SPEG: variants seen among roughly 807,000 people sequenced by gnomAD.
SPEG encodes striated muscle enriched protein kinase.
SPEG carries 114 observed loss-of-function variants against 300.4 expected under a neutral mutation model. The ratio of observed to expected loss-of-function variants is 0.38; its 90% CI spans 0.33 to 0.44. The LOEUF (loss-of-function observed/expected upper bound fraction) is 0.44. Ranked by LOEUF, SPEG falls within the 20% of genes least tolerant of loss-of-function variation. The pLI, the probability that SPEG is intolerant of heterozygous loss-of-function variation, is 1.00. For missense variants in SPEG, 4,201 were observed against 4,586.2 expected (o/e 0.92, Z 2.43); for synonymous variants, 1,964 against 2,018.9 (o/e 0.97, Z 0.73).
chr2:219,449,224 G>A lies in SPEG; in HGVS notation c.2066G>A (p.Arg689His). The change falls in exon 4 of 41, where the codon CGC becomes CAC. Residue 689 changes from arginine (R) to histidine (H), a missense_variant. Around this residue, in one of 4 missense-constraint regions of SPEG, gnomAD observed 1,258 missense variants for 1,293.9 expected, o/e 0.97. Coordinates refer to ENST00000312358, the MANE Select transcript of SPEG (RefSeq NM_005876.5). Reference sequence around the variant, plus strand: ...GGGCCCTGGGACCGCCGAGGGGCCCGCAGCCAGGGCAAAGGTCGCCGGGCC... The same window carrying A: ...GGGCCCTGGGACCGCCGAGGGGCCCACAGCCAGGGCAAAGGTCGCCGGGCC... The part of the protein sequence containing the change: ...PWGPWDRRGA[R>H]SQGKGRRARP... 7.2e-7 allele frequency: 1 copy of A among 1,393,012 alleles called. No homozygotes were observed. Among genetic ancestry groups the A allele is most frequent in the Admixed American group, 3.7e-5 (1 of 27,206 alleles). 86.3% of individuals were successfully genotyped at this position (1,393,012 alleles called of 1,614,324 possible). A position where few individuals can be genotyped will look rare whatever the true frequency, so the allele number is the denominator to read the frequency against.
At position 219,484,962 on chromosome 2, in the gene SPEG, G is replaced by C; in HGVS notation, c.7499G>C (p.Ser2500Thr). ...RLRRATSEGESLRRLGLPHNQ... is the reference protein window; with the variant it reads ...RLRRATSEGETLRRLGLPHNQ... ...CGCAGGGCCACGTCCGAGGGCGAGA[G>C]TCTGCGGCGCCTTGGCCTTCCGCAC... Residue 2500 changes from serine to threonine, a missense_variant, in exon 30 of 41, where the codon AGT becomes ACT. By Grantham distance (58) the Ser-to-Thr change is moderately conservative. Transcript: ENST00000312358. 1 of 1,529,666 alleles carries C rather than the reference G, an allele frequency of 6.5e-7. No individual in the cohort carries two copies. Among genetic ancestry groups the C allele is most frequent in the Non-Finnish European group, 8.7e-7 (1 of 1,144,226 alleles). 94.8% of individuals were successfully genotyped at this position (1,529,666 alleles called of 1,614,324 possible). A position where few individuals can be genotyped will look rare whatever the true frequency, so the allele number is the denominator to read the frequency against.
intron 6 of SPEG, 57 bp from the exon 7 acceptor site, chr2:219,461,825 C>T (rs1293019657): frequency 1.3e-6 from 2 of 1,543,550 alleles, no homozygotes. Flanking sequence ...TTCCAGCCAG[C>T]TCTCCCAGGC....
At chr2:219,457,454 G>A (rs751540828) in intron 6 of SPEG, among the ~76,000 whole-genome samples, 3 of 152,132 alleles carry the variant, frequency 2.0e-5, no homozygotes, top group South Asian at 2.1e-4. Flanking sequence ...GTGGTTGTGG[G>A]AGCCTGTAAT....
At position 219,490,550 on chromosome 2, in the gene SPEG, G is replaced by T. The variant is rs191833179; in HGVS notation, c.9063G>T (p.Arg3021=). ...YEVLRTLHHE[R]IMSLHEAYIT... is the part of the protein sequence containing the mutation. ...TGCTGCGGACCCTGCACCACGAGCG[G>T]ATCATGTCCCTGCACGAGGCCTACA... is the stretch of plus-strand genomic sequence containing the variant. The change falls in exon 37 of 41, where the codon CGG becomes CGT. Residue 3021 remains arginine (R), a synonymous_variant. Transcript: ENST00000312358. The T allele has an allele frequency of 3.3e-5, 54 of 1,613,796 alleles. 1 individual carries two copies. The East Asian group carries it at 7.6e-4, about 23-fold the overall frequency.
intron 13 of SPEG, 87 bp from the exon 14 acceptor site, chr2:219,471,781 T>C: frequency 1.3e-6 from 2 of 1,540,630 alleles, no homozygotes; most frequent in Non-Finnish European, 8.8e-7. Context: ...TGGATGGGGG[T>C]GAGGGACCAG....
intron 3 of SPEG, among the ~76,000 whole-genome samples, chr2:219,447,249 C>A (rs1689373157): frequency 6.6e-6 from 1 of 151,592 alleles, no homozygotes; most frequent in African/African-American, 2.4e-5. Flanking sequence ...GGGGGGATTT[C>A]TAAGGACTCA....
intron 31 of SPEG, 67 bp from the exon 32 acceptor site, chr2:219,488,126 AC>A: frequency 9.8e-7 from 1 of 1,017,850 alleles, no homozygotes. Context: ...GGCCTTCTCC[AC>A]CCCTCCCTCA....
chr2:219,438,174 T>C (rs756816007), intron 1 of SPEG, among the ~76,000 whole-genome samples: 36 of 151,856 alleles, frequency 2.4e-4, no homozygotes, highest in Non-Finnish European at 4.1e-4. Flanking sequence ...GAGGGAAGAA[T>C]CGGAAACAAA....
rs778086073 is a variant in SPEG at position 219,473,862 on chromosome 2, G to A, written c.4406G>A (p.Arg1469His). The A allele has an allele frequency of 1.4e-5, 23 of 1,613,360 alleles. No homozygotes were observed. The highest frequency in any genetic ancestry group is 1.7e-5 in the Admixed American group (1 of 59,992). Residue 1469 changes from arginine to histidine, a missense_variant, in exon 18 of 41, where the codon CGT (arginine) becomes CAT (histidine). Arg to His is a conservative substitution (Grantham distance 29, BLOSUM62 0). Transcript: ENST00000312358. The surrounding 1 kb of genome is among the most constrained non-coding windows in gnomAD (Gnocchi z 4.6). The part of the protein sequence containing the change: ...MGALTCTARN[R>H]HGTQTCSVTL... ...GCCCTCACCTGCACCGCCCGAAACCGTCACGGCACACAGACCTGCTCGGTC... is the reference window on the plus strand; with the variant it reads ...GCCCTCACCTGCACCGCCCGAAACCATCACGGCACACAGACCTGCTCGGTC...
rs769544973 is a variant in SPEG at position 219,493,076 on chromosome 2, G to A, written c.*290G>A. 4.4e-5 allele frequency: 29 copies of A among 655,504 alleles called. No homozygotes were observed. Among genetic ancestry groups the A allele is most frequent in the Non-Finnish European group, 6.8e-5 (24 of 355,388 alleles). The allele number at this position is 655,504 out of a possible 1,614,324, so 40.6% of individuals were successfully genotyped here. ...GGAGAAGTGGAGAGGAAAAGGAATC[G>A]AGGGACAGGAAGGGGGAGGCTCTAG... On this transcript the variant is annotated 3_prime_UTR_variant, in exon 41 of 41. Coordinates refer to ENST00000312358, the MANE Select transcript of SPEG (RefSeq NM_005876.5).
chr2:219,470,323 C>T (rs1181215383), intron 13 of SPEG, among the ~76,000 whole-genome samples: 6 of 152,156 alleles, frequency 3.9e-5, no homozygotes, highest in Non-Finnish European at 7.3e-5. Flanking sequence ...ACCAGGATGT[C>T]CCTGTCACCC....
chr2:219,483,062 G>T (rs1263777699), intron 29 of SPEG, 36 bp from the exon 30 acceptor site: 2 of 1,577,922 alleles, frequency 1.3e-6, no homozygotes, highest in East Asian at 2.3e-5. Flanking sequence ...CTGCCCCAGG[G>T]GTCCCTCAGG....
In SPEG at chr2:219,490,974, C is replaced by T; in HGVS notation, c.9385+18C>T. 3 of 1,599,586 alleles carry T rather than the reference C, an allele frequency of 1.9e-6. No individual in the cohort carries two copies. The highest frequency in any genetic ancestry group is 2.6e-6 in the Non-Finnish European group (3 of 1,171,064). On this transcript the variant is annotated intron_variant, in intron 38 of 40. Transcript: ENST00000312358. Reference sequence around the variant, plus strand: ...GTTCATGGGTGAGGGGACCAGCTGCCAGCCAGGGTGGGGACAGGGCCCTGC... The same window carrying T: ...GTTCATGGGTGAGGGGACCAGCTGCTAGCCAGGGTGGGGACAGGGCCCTGC...
chr2:219,482,302 TTCTC>T (rs1348708606), intron 28 of SPEG: 2 of 171,330 alleles, frequency 1.2e-5, no homozygotes, highest in African/African-American at 4.8e-5. Flanking sequence ...AGAGCCTTCT[TTCTC>T]AGACCGGAAA....
At position 219,464,052 on chromosome 2, in the gene SPEG, G is replaced by A. The variant is rs1691010505; in HGVS notation, c.2706-381G>A. On this transcript the variant is annotated intron_variant, in intron 8 of 40. Coordinates refer to ENST00000312358, the MANE Select transcript of SPEG (RefSeq NM_005876.5). This position sits in a 1 kb window ranked among gnomAD's most constrained non-coding sequence, Gnocchi z 4.5. ...TGGGGAGATCGCTTGAGCCTGGGGA[G>A]GTAGAAGCTGCAGTGAGCTGTGATT... 6.6e-6 allele frequency among the ~76,000 whole-genome samples: 1 copy of A among 151,868 alleles called. No homozygotes were observed. The highest frequency in any genetic ancestry group is 6.5e-5 in the Admixed American group (1 of 15,268).
At chr2:219,462,205 G>C in intron 7 of SPEG, 93 bp from the exon 8 acceptor site, 1 of 1,249,490 alleles carries the variant, frequency 8.0e-7, no homozygotes. Context: ...TCTCAGCCTG[G>C]CTGTGGAAGA....
chr2:219,460,042 T>C (rs1690520099), intron 6 of SPEG, among the ~76,000 whole-genome samples: 1 of 152,160 alleles, frequency 6.6e-6, no homozygotes, highest in Admixed American at 6.5e-5. Context: ...TACAAATGGG[T>C]TCTCATGATA....
At position 219,479,534 on chromosome 2, in the gene SPEG, G is replaced by A. The variant is rs560703168; in HGVS notation, c.5086-249G>A. 5.9e-5 allele frequency among the ~76,000 whole-genome samples: 9 copies of A among 152,108 alleles called. No homozygotes were observed. The highest frequency in any genetic ancestry group is 1.2e-4 in the Non-Finnish European group (8 of 68,024). On this transcript the variant is annotated intron_variant, in intron 23 of 40. Transcript: ENST00000312358. The surrounding 1 kb of genome is among the most constrained non-coding windows in gnomAD (Gnocchi z 5.5). ...ATTGATCTCACTGCAGTCCTGCCAC[G>A]TCAGGCTGTACATGTTGTGCACTGC... is the stretch of plus-strand genomic sequence containing the variant.
intron 13 of SPEG, 76 bp from the exon 14 acceptor site, chr2:219,471,792 G>A: frequency 1.9e-6 from 3 of 1,578,512 alleles, no homozygotes; most frequent in East Asian, 2.2e-5. Context: ...GAGGGACCAG[G>A]CCCGGGATGG....
Sources: allele counts gnomAD v4.1 joint callset (sites outside exome capture counted in the v4.1 genomes callset), GRCh38; gene constraint gnomAD v4.1.1; regional missense constraint gnomAD v4.1.1; non-coding constraint Gnocchi (gnomAD v3.1); transcripts MANE v1.5; gene names NCBI Gene and HGNC (gene_info 2026-07-23, HGNC 2026-07-21).